KDM1B: variants seen among roughly 807,000 people sequenced by gnomAD.
The protein encoded by KDM1B is lysine-specific histone demethylase 2.
KDM1B carries 63 observed loss-of-function variants against 107.4 expected under a neutral mutation model. The ratio of observed to expected loss-of-function variants is 0.59; its 90% CI spans 0.48 to 0.72. The LOEUF (loss-of-function observed/expected upper bound fraction) is 0.72. Ranked by LOEUF, KDM1B falls within the 30% of genes least tolerant of loss-of-function variation. The pLI is 0.00. For synonymous variants in KDM1B, 363 were observed against 363.9 expected (o/e 1.00, Z 0.03); for missense variants, 749 against 1,020.8 (o/e 0.73, Z 3.63).
chr6:18,201,277 A>G lies in KDM1B; in HGVS notation c.1360-209A>G, dbSNP rs214613. 0.15 allele frequency among the ~76,000 whole-genome samples: 22,062 copies of G among 152,142 alleles called. 2,402 individuals are homozygous for G. Among genetic ancestry groups the G allele is most frequent in the African/African-American group, 0.3 (12,538 of 41,466 alleles). ...TAGGAGCTGTTGCTGCCCCTCTCAC[A>G]TTCTCATCAAATAAAATCTTGTAGA... is the stretch of plus-strand genomic sequence containing the variant. On this transcript the variant is annotated intron_variant, in intron 13 of 21. Transcript: ENST00000650836. The surrounding 1 kb of genome is among the most constrained non-coding windows in gnomAD (Gnocchi z 4.3).
intron 9 of KDM1B, 62 bp downstream of exon 9, chr6:18,188,064 T>C (rs1281808407): frequency 5.0e-6 from 7 of 1,405,382 alleles, no homozygotes; most frequent in Non-Finnish European, 5.9e-6. Context: ...GAGGAACGTG[T>C]GAGTGAGCAA....
chr6:18,221,924 T>G lies in KDM1B; in HGVS notation c.2401T>G (p.Phe801Val). Residue 801 changes from phenylalanine to valine, a missense_variant, in exon 22 of 22, where the codon TTC becomes GTC. Physicochemically the swap from Phe to Val is conservative, Grantham distance 50. Coordinates refer to ENST00000650836, the MANE Select transcript of KDM1B (RefSeq NM_001364614.2). ...FFAGEATNRH[F>V]PQTVTGAYLS... ...TGTTTTACAGGCAACAAACAGGCAT[T>G]TCCCACAAACTGTTACAGGGGCATA... 1 of 1,604,330 alleles carries G rather than the reference T, an allele frequency of 6.2e-7. No individual in the cohort carries two copies. Among genetic ancestry groups the G allele is most frequent in the Non-Finnish European group, 8.5e-7 (1 of 1,173,758 alleles).
At chr6:18,169,234 ATT>A (rs1177850023) in intron 6 of KDM1B, among the ~76,000 whole-genome samples, 2 of 140,314 alleles carry the variant, frequency 1.4e-5, no homozygotes. Context: ...ATATATATAA[ATT>A]TTTTTTTTTT....
rs4716224 is a variant in KDM1B, at chr6:18,161,332, G to A, written c.93G>A (p.Lys31=). ...LPLRSSGRQA[K]KKATETTDED... ...ATCAGCTGTGACTCCCTTAGGCGAA[G>A]AAGAAAGCAACAGAGACAACAGATG... Residue 31 remains lysine (K), a synonymous_variant, in exon 4 of 22, where the codon AAG becomes AAA. Coordinates refer to ENST00000650836, the MANE Select transcript of KDM1B (RefSeq NM_001364614.2). 0.35 allele frequency: 558,156 copies of A among 1,612,376 alleles called. 98,579 individuals are homozygous for A. The highest frequency in any genetic ancestry group is 0.51 in the East Asian group (22,920 of 44,798).
At chr6:18,221,642 T>C (rs575077805) in intron 21 of KDM1B, among the ~76,000 whole-genome samples, 4 of 152,320 alleles carry the variant, frequency 2.6e-5, no homozygotes, top group African/African-American at 4.8e-5. Flanking sequence ...GTGTCTTAAT[T>C]GTTCTTAACT....
rs150176994 is a variant in KDM1B, at chr6:18,220,065, C to T, written c.2386-1844C>T. 2.6e-5 allele frequency among the ~76,000 whole-genome samples: 4 copies of T among 152,338 alleles called. No homozygotes were observed. The East Asian group carries it at 7.7e-4, about 29-fold the overall frequency. ...ACCTCTGCCTCCATGGTTCCTCATA[C>T]TTCCAATGGCTGAGATTTTCTAAGG... is the stretch of plus-strand genomic sequence containing the variant. On this transcript the variant is annotated intron_variant, in intron 21 of 21. Transcript: ENST00000650836.
intron 12 of KDM1B, among the ~76,000 whole-genome samples, chr6:18,198,652 A>AAC (rs561931849): frequency 0.14 from 20,438 of 143,058 alleles, 2,082 homozygotes; most frequent in African/African-American, 0.26. Context: ...AAAAAAAAAA[A>AAC]AAAAACAAAA....
intron 5 of KDM1B, among the ~76,000 whole-genome samples, chr6:18,163,507 T>C (rs1275617558): frequency 2.6e-5 from 4 of 152,204 alleles, no homozygotes; most frequent in African/African-American, 9.6e-5. Context: ...TTTCATAAAT[T>C]AGTAGCTTCA....
Position 18,165,570 on chromosome 6 carries a change from C to T in KDM1B, c.306-697C>T, listed in dbSNP as rs1785244318. ...AGGTGCAGTGGCTCACGCCTATAATCCCAGCACTTTGGAAGGTTGAGGTGG... is the reference window on the plus strand; with the variant it reads ...AGGTGCAGTGGCTCACGCCTATAATTCCAGCACTTTGGAAGGTTGAGGTGG... On this transcript the variant is annotated intron_variant, in intron 5 of 21. Coordinates refer to ENST00000650836, the MANE Select transcript of KDM1B (RefSeq NM_001364614.2). Among the ~76,000 whole-genome samples the T allele has an allele frequency of 2.6e-5, 4 of 152,132 alleles. No homozygotes were observed. In the South Asian group the frequency reaches 8.3e-4, roughly 32 times the overall value.
Position 18,221,940 on chromosome 6 carries a change from C to CA in KDM1B, c.2418dup (p.Gly807ArgfsTer109). ...AACAGGCATTTCCCACAAACTGTTA[C>CA]AGGGGCATATTTGAGTGGCGTTCGA... is the stretch of plus-strand genomic sequence containing the variant. On this transcript the variant is annotated frameshift_variant, in exon 22 of 22. Coordinates refer to ENST00000650836, the MANE Select transcript of KDM1B (RefSeq NM_001364614.2). LOFTEE classifies it high-confidence loss of function. The CA allele has an allele frequency of 6.2e-7, 1 of 1,612,796 alleles. No homozygotes were observed. Among genetic ancestry groups the CA allele is most frequent in the Non-Finnish European group, 8.5e-7 (1 of 1,179,168 alleles).
chr6:18,221,471 T>C (rs1435560227), intron 21 of KDM1B, among the ~76,000 whole-genome samples: 1 of 152,072 alleles, frequency 6.6e-6, no homozygotes, highest in African/African-American at 2.4e-5. Context: ...CTTATTGAAC[T>C]TACGGTCCCT....
At chr6:18,166,692 AT>A (rs111532983) in intron 6 of KDM1B, among the ~76,000 whole-genome samples, 248 of 150,394 alleles carry the variant, frequency 1.6e-3, no homozygotes, top group African/African-American at 5.9e-3. Context: ...ACAAAAAAAA[AT>A]TTTTTTTTTA....
In KDM1B at chr6:18,201,768, C is replaced by A; in HGVS notation, c.1531+111C>A. On this transcript the variant is annotated intron_variant, in intron 14 of 21. Coordinates refer to ENST00000650836, the MANE Select transcript of KDM1B (RefSeq NM_001364614.2). This position sits in a 1 kb window ranked among gnomAD's most constrained non-coding sequence, Gnocchi z 4.3. ...GGTCGGATGTCGGCAACAGGGTAGC[C>A]CTCCTGAGCATTTCTTTTGGACTGA... is the stretch of plus-strand genomic sequence containing the variant. 1 of 887,728 alleles carries A rather than the reference C, an allele frequency of 1.1e-6. No homozygotes were observed. The highest frequency in any genetic ancestry group is 1.7e-6 in the Non-Finnish European group (1 of 591,634). 55.0% of individuals were successfully genotyped at this position (887,728 alleles called of 1,614,324 possible).
At chr6:18,184,735 C>CTTTTTTTTTTTTTTT (rs1786725164) in intron 7 of KDM1B, among the ~76,000 whole-genome samples, 1 of 53,584 alleles carries the variant, frequency 1.9e-5, no homozygotes, top group African/African-American at 5.5e-5. Flanking sequence ...TAGCTTTTTT[C>CTTTTTTTTTTTTTTT]CTTTTTTTTT....
At chr6:18,156,819 A>G (rs1784640576) in intron 2 of KDM1B, among the ~76,000 whole-genome samples, 1 of 152,092 alleles carries the variant, frequency 6.6e-6, no homozygotes, top group Admixed American at 6.6e-5. Context: ...CGGGAGGCTG[A>G]GGCAGAAGAA....
At chr6:18,173,376 G>T (rs2150835357) in intron 7 of KDM1B, among the ~76,000 whole-genome samples, 1 of 151,962 alleles carries the variant, frequency 6.6e-6, no homozygotes, top group African/African-American at 2.4e-5. Context: ...TTTAAATTGG[G>T]TTTTATTGAT....
chr6:18,157,635 T>C (rs77095250), intron 2 of KDM1B, among the ~76,000 whole-genome samples: 6,594 of 151,788 alleles, frequency 0.043, 152 homozygotes, highest in African/African-American at 0.056. Context: ...TTGTGGTTCA[T>C]GTTATGAATA....
intron 5 of KDM1B, among the ~76,000 whole-genome samples, 163 bp from the exon 6 acceptor site, chr6:18,166,104 G>A (rs960129460): frequency 1.3e-5 from 2 of 152,078 alleles, no homozygotes; most frequent in Admixed American, 1.3e-4. Flanking sequence ...TACCCCTTCT[G>A]ACAGCCTGTT....
chr6:18,193,304 T>C lies in KDM1B; in HGVS notation c.969+1923T>C, dbSNP rs1453425927. On this transcript the variant is annotated intron_variant, in intron 10 of 21. Coordinates refer to ENST00000650836, the MANE Select transcript of KDM1B (RefSeq NM_001364614.2). ...ACTTTGAAATGTGTGCTTTCTTTTT[T>C]TTTTTTTTTTTTTTTTTGAGACACA... Among the ~76,000 whole-genome samples, 3 of 142,688 alleles carry C rather than the reference T, an allele frequency of 2.1e-5. No individual in the cohort carries two copies. The East Asian group carries it at 5.9e-4, about 28-fold the overall frequency. 93.6% of individuals were successfully genotyped at this position (142,688 alleles called of 152,430 possible).
Sources: allele counts gnomAD v4.1 joint callset (sites outside exome capture counted in the v4.1 genomes callset), GRCh38; gene constraint gnomAD v4.1.1; non-coding constraint Gnocchi (gnomAD v3.1); transcripts MANE v1.5; gene names NCBI Gene and HGNC (gene_info 2026-07-23, HGNC 2026-07-21).